Variants in ZNF91 observed in about 807,000 individuals in gnomAD.
The protein encoded by ZNF91 is zinc finger protein 91 (HPF7, HTF10).
Under a neutral mutation model 12.6 loss-of-function variants are expected in ZNF91, and 7 were observed. The observed-to-expected ratio is 0.55, with a 90% CI of 0.31 to 1.04. ZNF91 has a LOEUF of 1.04. Ranked by LOEUF, ZNF91 falls within the 50% of genes least tolerant of loss-of-function variation. ZNF91 has a pLI of 0.05. For missense variants in ZNF91, 1,217 were observed against 1,385.4 expected, an observed-to-expected ratio of 0.88 and a Z score of 1.93; for synonymous variants, 453 against 462.6, an observed-to-expected ratio of 0.98 and a Z score of 0.27.
chr19:23,309,641 T>C (rs952572869), intron 1 of ZNF91, among the ~76,000 whole-genome samples: 25 of 152,298 alleles, frequency 1.6e-4, no homozygotes, highest in African/African-American at 6.0e-4. Flanking sequence ...TTTTGACATA[T>C]ATATTGGCTC....
chr19:23,368,562 C>CTATATATATATATATATA (rs71163494), intron 3 of ZNF91, among the ~76,000 whole-genome samples: 5 of 118,574 alleles, frequency 4.2e-5, no homozygotes, highest in African/African-American at 1.6e-4. Context: ...CTCTCTCTCT[C>CTATATATATATATATATA]TATATATATA....
intron 1 of ZNF91, among the ~76,000 whole-genome samples, chr19:23,388,560 A>C (rs1007222323): frequency 3.3e-5 from 5 of 151,776 alleles, no homozygotes; most frequent in Admixed American, 1.3e-4. Context: ...ATGAAGCTGG[A>C]GACCATTATT....
chr19:23,384,848 T>A (rs1037271989), intron 1 of ZNF91: 69 of 725,870 alleles, frequency 9.5e-5, no homozygotes, highest in Non-Finnish European at 1.7e-4. Context: ...AAAAATACCA[T>A]CTCCCTCACG....
At chr19:23,381,927 G>A (rs1969731343) in intron 1 of ZNF91, among the ~76,000 whole-genome samples, 1 of 151,218 alleles carries the variant, frequency 6.6e-6, no homozygotes. Context: ...TGTGCTTTTA[G>A]AATGAGCAAG....
At chr19:23,376,994 C>CA (rs1410100675) in intron 1 of ZNF91, among the ~76,000 whole-genome samples, 4 of 152,136 alleles carry the variant, frequency 2.6e-5, no homozygotes, top group African/African-American at 9.7e-5. Flanking sequence ...GCCCAAGACA[C>CA]AAAAACTCTA....
intron 3 of ZNF91, among the ~76,000 whole-genome samples, chr19:23,345,973 C>CA (rs1968219577): frequency 6.6e-6 from 1 of 152,094 alleles, no homozygotes; most frequent in Admixed American, 6.5e-5. Context: ...GAACCACTTC[C>CA]AGGTTCCTCC....
At chr19:23,323,340 TCCTCCTCTCCC>T (rs1350945588) in intron 1 of ZNF91, among the ~76,000 whole-genome samples, 179 of 146,038 alleles carry the variant, frequency 1.2e-3, no homozygotes, top group African/African-American at 4.1e-3. Context: ...CTCGTCCTCC[TCCTCCTCTCCC>T]CCTCCTTTCC....
In ZNF91 at chr19:23,351,776, G is replaced by A. The variant is rs139792351; in HGVS notation, c.254-12722C>T. Among the ~76,000 whole-genome samples the A allele has an allele frequency of 3.4e-4, 52 of 152,254 alleles. No homozygotes were observed. In the East Asian group the frequency reaches 8.3e-3, roughly 24 times the overall value. ...GAAATAGACCGCTCCTGCAGGACCC[G>A]GGAGACACCCTAAATACTGTGAGTG... On this transcript the variant is annotated intron_variant, in intron 3 of 3. Coordinates refer to the ZNF91 transcript ENST00000599743.
chr19:23,315,735 T>A (rs1372759677), intron 1 of ZNF91, among the ~76,000 whole-genome samples: 1 of 152,190 alleles, frequency 6.6e-6, no homozygotes, highest in African/African-American at 2.4e-5. Context: ...GGCCTCTCTT[T>A]TTTTCTAGCC....
chr19:23,315,818 TTCTC>T (rs1352536725), intron 1 of ZNF91, among the ~76,000 whole-genome samples: 1 of 152,190 alleles, frequency 6.6e-6, no homozygotes, highest in Non-Finnish European at 1.5e-5. Context: ...GTCTAGGCCT[TTCTC>T]TCAGGAAGTA....
intron 1 of ZNF91, among the ~76,000 whole-genome samples, chr19:23,376,420 CTTG>C (rs1273584664): frequency 4.1e-5 from 6 of 147,936 alleles, no homozygotes; most frequent in South Asian, 2.1e-4. Context: ...GAGTTTTGCT[CTTG>C]TTGTTGCCCA....
chr19:23,365,487 T>TAA (rs924940867), intron 3 of ZNF91, among the ~76,000 whole-genome samples: 6 of 151,530 alleles, frequency 4.0e-5, no homozygotes, highest in Admixed American at 1.3e-4. Context: ...AGTTTTGTTT[T>TAA]AAAAAAATAC....
intron 3 of ZNF91, among the ~76,000 whole-genome samples, chr19:23,346,467 G>A (rs933628256): frequency 2.6e-5 from 4 of 151,866 alleles, no homozygotes; most frequent in East Asian, 1.9e-4. Context: ...CCCATAAAGC[G>A]GTAAACTATG....
chr19:23,343,420 A>G (rs1364604649), intron 3 of ZNF91, among the ~76,000 whole-genome samples: 3 of 152,224 alleles, frequency 2.0e-5, no homozygotes, highest in Non-Finnish European at 4.4e-5. Context: ...CCCCATGTAT[A>G]TGACCAGTGA....
rs199966868 is a variant in ZNF91, at chr19:23,360,790, G to C, written c.2189C>G (p.Thr730Ser). ...GKAFNRSSNL[T>S]IHKFIHTGEK... ...TCCAGTATGAATAAACTTATGTATA[G>C]TAAGATTTGAAGATCGATTAAAAGC... Residue 730 changes from threonine to serine, a missense_variant, in exon 4 of 4, where the codon ACT becomes AGT. Physicochemically the swap from Thr to Ser is moderately conservative, Grantham distance 58 (BLOSUM62 1). Transcript: ENST00000300619. 2.5e-6 allele frequency: 4 copies of C among 1,612,444 alleles called. No homozygotes were observed. Among genetic ancestry groups the C allele is most frequent in the African/African-American group, 1.3e-5 (1 of 74,646 alleles).
At chr19:23,337,406 C>G (rs1443403146), downstream of ZNF91, among the ~76,000 whole-genome samples, 1 of 151,416 alleles carries the variant, frequency 6.6e-6, no homozygotes, top group East Asian at 1.9e-4. Flanking sequence ...CAGAGTCTTT[C>G]CCACTGCACA....
upstream of ZNF91, among the ~76,000 whole-genome samples, chr19:23,313,952 A>G (rs534159803): frequency 2.6e-5 from 4 of 152,248 alleles, no homozygotes; most frequent in South Asian, 2.1e-4. Flanking sequence ...AGGATCTTTA[A>G]TCTTATCCTT....
intron 1 of ZNF91, among the ~76,000 whole-genome samples, chr19:23,323,607 CCTCCTT>C (rs146528248): frequency 0.096 from 14,148 of 147,038 alleles, 1,061 homozygotes; most frequent in East Asian, 0.35. Context: ...TTCTTTTCCT[CCTCCTT>C]TTCTCTTCTC....
Position 23,362,524 on chromosome 19 carries a change from TTGCTC to T in ZNF91, c.450_454del (p.Lys152IlefsTer12), listed in dbSNP as rs1968849560. On this transcript the variant is annotated frameshift_variant, in exon 4 of 4. Transcript: ENST00000300619. LOFTEE classifies it low-confidence loss of function (END_TRUNC). ...CAAATATTTCCCACATTGAAATACT[TTGCTC>T]TGGGCAGTTGTGAGACACTGGTTAA... The T allele has an allele frequency of 6.2e-7, 1 of 1,603,962 alleles. No homozygotes were observed. Among genetic ancestry groups the T allele is most frequent in the Non-Finnish European group, 8.5e-7 (1 of 1,175,828 alleles).
Sources: gnomAD v4.1 joint callset for allele counts (sites outside exome capture counted in the v4.1 genomes callset) on GRCh38, gnomAD v4.1.1 for gene constraint, MANE v1.5 for transcripts, NCBI Gene and HGNC (gene_info 2026-07-23, HGNC 2026-07-21) for gene names.